The following AHCY variants were observed in gnomAD, a reference collection of about 807,000 sequenced individuals.
AHCY encodes the protein S-adenosyl-L-homocysteine hydrolase.
In AHCY, 24 loss-of-function variants were observed where a neutral mutation model predicts 45.4. The observed-to-expected ratio is 0.53, with a 90% CI of 0.38 to 0.74. The LOEUF (loss-of-function observed/expected upper bound fraction) is 0.74, where lower values mean the gene tolerates loss of function less well. Ranked by LOEUF, AHCY falls within the 30% of genes least tolerant of loss-of-function variation. AHCY has a pLI of 0.00. For synonymous variants in AHCY, 245 were observed against 235.1 expected (o/e 1.04, Z -0.39); for missense variants, 449 against 594.1 (o/e 0.76, Z 2.54).
chr20:34,296,707 C>A (rs1054837820), intron 1 of AHCY, among the ~76,000 whole-genome samples: 2 of 152,144 alleles, frequency 1.3e-5, no homozygotes, highest in Non-Finnish European at 2.9e-5. Context: ...TTGTAAATCT[C>A]CCCTGGAAAA....
chr20:34,269,057 C>T, the AHCY span: 3 of 1,599,872 alleles, frequency 1.9e-6, no homozygotes, highest in South Asian at 3.4e-5. Flanking sequence ...CGTGGCCACC[C>T]GCAACAGCTG....
At chr20:34,271,354 CAG>C in the AHCY span, among the ~76,000 whole-genome samples, 4 of 152,204 alleles carry the variant, frequency 2.6e-5, no homozygotes, top group African/African-American at 9.7e-5. Flanking sequence ...ATTTGTGACT[CAG>C]AGTTATGGTT....
upstream of AHCY, among the ~76,000 whole-genome samples, chr20:34,304,669 A>G (rs565834794): frequency 1.1e-4 from 17 of 150,478 alleles, no homozygotes; most frequent in South Asian, 3.4e-3. Context: ...ACAGGCACGC[A>G]CCACCACACC....
the AHCY span, among the ~76,000 whole-genome samples, chr20:34,245,248 C>T: frequency 2.0e-5 from 3 of 148,082 alleles, no homozygotes; most frequent in Non-Finnish European, 4.5e-5. Context: ...GCAGGAGAAT[C>T]GCTTGAACCT....
At chr20:34,289,162 C>A (rs1163444269) in intron 8 of AHCY, among the ~76,000 whole-genome samples, 1 of 151,928 alleles carries the variant, frequency 6.6e-6, no homozygotes, top group East Asian at 1.9e-4. Context: ...CACCACCATG[C>A]CCAGCTGATT....
At chr20:34,310,603 T>G (rs749771264) in intron 1 of AHCY, among the ~76,000 whole-genome samples, 10 of 152,174 alleles carry the variant, frequency 6.6e-5, no homozygotes, top group Non-Finnish European at 1.3e-4. Context: ...ATGAGCAAAA[T>G]GACGTTAAGA....
downstream of AHCY, among the ~76,000 whole-genome samples, chr20:34,277,775 A>C (rs907394130): frequency 5.9e-4 from 90 of 151,604 alleles, 1 homozygote; most frequent in African/African-American, 2.0e-3. Context: ...AAAAAAAAAA[A>C]AAAACTCAGC....
At chr20:34,250,874 A>G in the AHCY span, among the ~76,000 whole-genome samples, 1 of 152,064 alleles carries the variant, frequency 6.6e-6, no homozygotes, top group Non-Finnish European at 1.5e-5. Context: ...ATTAAGATAC[A>G]ATACTCTCCC....
At chr20:34,282,156 G>A (rs2122715614) in intron 9 of AHCY, among the ~76,000 whole-genome samples, 1 of 151,880 alleles carries the variant, frequency 6.6e-6, no homozygotes, top group South Asian at 2.1e-4. Context: ...CAGAAGTGAT[G>A]GTGTGTGACT....
the AHCY span, among the ~76,000 whole-genome samples, chr20:34,232,351 G>A: frequency 5.3e-5 from 8 of 152,266 alleles, no homozygotes; most frequent in South Asian, 2.1e-4. Flanking sequence ...AGCATCCACC[G>A]TCAGTTCTAC....
At chr20:34,274,010 TA>T in the AHCY span, among the ~76,000 whole-genome samples, 2 of 152,170 alleles carry the variant, frequency 1.3e-5, no homozygotes, top group Non-Finnish European at 2.9e-5. Context: ...TGACAATTAT[TA>T]TGCCTTCTTT....
chr20:34,308,577 T>C (rs920562687), intron 1 of AHCY, among the ~76,000 whole-genome samples: 1 of 152,024 alleles, frequency 6.6e-6, no homozygotes. Flanking sequence ...TTTTAAGTAT[T>C]TGAAATCCAT....
the AHCY span, among the ~76,000 whole-genome samples, chr20:34,274,302 G>A: frequency 6.6e-6 from 1 of 152,182 alleles, no homozygotes; most frequent in South Asian, 2.1e-4. Flanking sequence ...AGAGAACTGG[G>A]GCTCAAAGAT....
intron 1 of AHCY, among the ~76,000 whole-genome samples, chr20:34,301,270 G>A (rs1268948665): frequency 6.6e-6 from 1 of 152,000 alleles, no homozygotes; most frequent in African/African-American, 2.4e-5. Context: ...GTTATGCCCT[G>A]TGCTGCTAAG....
At chr20:34,236,593 G>A in the AHCY span, among the ~76,000 whole-genome samples, 2 of 151,966 alleles carry the variant, frequency 1.3e-5, no homozygotes, top group Non-Finnish European at 2.9e-5. Context: ...GCTCACGCCT[G>A]TAATCCTACC....
chr20:34,269,058 G>C, the AHCY span: 1 of 1,596,434 alleles, frequency 6.3e-7, no homozygotes, highest in Non-Finnish European at 8.5e-7. Context: ...GTGGCCACCC[G>C]CAACAGCTGC....
chr20:34,232,740 A>G, the AHCY span, among the ~76,000 whole-genome samples: 14 of 152,196 alleles, frequency 9.2e-5, no homozygotes, highest in African/African-American at 2.9e-4. Context: ...ATGTATGTAG[A>G]TGTATGTCCA....
the AHCY span, among the ~76,000 whole-genome samples, chr20:34,271,305 C>CA: frequency 3.3e-5 from 5 of 152,148 alleles, no homozygotes; most frequent in Non-Finnish European, 7.3e-5. Flanking sequence ...CTGGGCCTCT[C>CA]AAAACTCTGC....
At chr20:34,237,134 C>T in the AHCY span, among the ~76,000 whole-genome samples, 1 of 151,998 alleles carries the variant, frequency 6.6e-6, no homozygotes, top group Non-Finnish European at 1.5e-5. Context: ...ATTACTGTGG[C>T]TTTGTAGTAA....
Sources: allele counts gnomAD v4.1 joint callset (sites outside exome capture counted in the v4.1 genomes callset), GRCh38; gene constraint gnomAD v4.1.1; transcripts MANE v1.5; gene names NCBI Gene and HGNC (gene_info 2026-07-23, HGNC 2026-07-21).